Variants in PTPRK observed in about 807,000 individuals in gnomAD.
PTPRK encodes receptor-type tyrosine-protein phosphatase kappa.
PTPRK carries 75 observed loss-of-function variants against 178.0 expected under a neutral mutation model. The ratio of observed to expected loss-of-function variants is 0.42; its 90% confidence interval spans 0.35 to 0.51. The LOEUF is 0.51. Among genes scored for constraint, PTPRK ranks in the 20% least tolerant of loss-of-function variants. The probability of loss-of-function intolerance (pLI) is 0.02; values close to 1 mark genes in which losing one functional copy is unlikely to be tolerated. For missense variants in PTPRK, 1,441 were observed against 1,797.8 expected (o/e 0.80, Z 3.59); for synonymous variants, 637 against 620.6 (o/e 1.03, Z -0.39).
rs1349189542 is a variant in PTPRK, at chr6:128,273,213, G to A, written c.496-30611C>T. On this transcript the variant is annotated intron_variant, in intron 3 of 29. Coordinates refer to ENST00000368226, the MANE Select transcript of PTPRK (RefSeq NM_002844.4). ...ACACTGGGGCCTGTCCTGTCGCGGG[G>A]TCGGGGGAGTGGGGAGGGATAGCAT... Among the ~76,000 whole-genome samples the A allele has an allele frequency of 2.6e-5, 4 of 152,138 alleles. No individual in the cohort carries two copies. The South Asian group carries it at 8.3e-4, about 32-fold the overall frequency.
chr6:127,981,145 T>A lies in PTPRK; in HGVS notation c.3682A>T (p.Ser1228Cys). The A allele has an allele frequency of 6.2e-7, 1 of 1,614,022 alleles. No homozygotes were observed. Among genetic ancestry groups the A allele is most frequent in the Non-Finnish European group, 8.5e-7 (1 of 1,179,968 alleles). The change falls in exon 25 of 30, where the codon AGT becomes TGT. Residue 1228 changes from serine to cysteine, a missense_variant. Transcript: ENST00000368226. ...ATAAGAGCAGCATTGATGTAGTTACTGCTCTCCCCATCAATTGTAATTAAA... is the reference window on the plus strand; with the variant it reads ...ATAAGAGCAGCATTGATGTAGTTACAGCTCTCCCCATCAATTGTAATTAAA... ...PFLITIDGES[S>C]NYINAALMDS... is the part of the protein sequence containing the mutation.
chr6:128,250,532 G>C (rs1816299028), intron 3 of PTPRK, among the ~76,000 whole-genome samples: 1 of 152,112 alleles, frequency 6.6e-6, no homozygotes, highest in Non-Finnish European at 1.5e-5. Context: ...TTACCTAAAA[G>C]GGAAATATGA....
At chr6:128,436,947 CTGTATTG>C (rs1171434762) in intron 1 of PTPRK, among the ~76,000 whole-genome samples, 3 of 152,056 alleles carry the variant, frequency 2.0e-5, no homozygotes, top group Admixed American at 2.0e-4. Context: ...GTTAGCGATA[CTGTATTG>C]TGCACTTAGA....
intron 10 of PTPRK, 59 bp downstream of exon 10, chr6:128,082,378 T>G: frequency 6.9e-7 from 1 of 1,445,832 alleles, no homozygotes; most frequent in Non-Finnish European, 9.7e-7. Flanking sequence ...TTCTCCAGGA[T>G]GTGCCATTAC....
chr6:128,231,543 C>G (rs1812305166), intron 5 of PTPRK, among the ~76,000 whole-genome samples: 1 of 152,194 alleles, frequency 6.6e-6, no homozygotes, highest in African/African-American at 2.4e-5. Flanking sequence ...AGGTTGAAGG[C>G]ACCAACAGTT....
At chr6:128,422,078 G>A (rs1017520483) in intron 1 of PTPRK, among the ~76,000 whole-genome samples, 1 of 152,150 alleles carries the variant, frequency 6.6e-6, no homozygotes, top group Non-Finnish European at 1.5e-5. Context: ...TTTGTGTTGT[G>A]CATTTTCAAA....
At chr6:127,993,308 T>A (rs914099241) in intron 18 of PTPRK, among the ~76,000 whole-genome samples, 2 of 151,390 alleles carry the variant, frequency 1.3e-5, no homozygotes, top group African/African-American at 2.4e-5. Context: ...CACACATATA[T>A]ATAGGGAAAG....
At chr6:128,163,068 A>T (rs765101732) in intron 7 of PTPRK, among the ~76,000 whole-genome samples, 3 of 151,352 alleles carry the variant, frequency 2.0e-5, no homozygotes, top group Non-Finnish European at 3.0e-5. Flanking sequence ...TCCTACCAAG[A>T]AATATTTGTA....
chr6:128,025,432 A>T (rs944694754), intron 13 of PTPRK, among the ~76,000 whole-genome samples: 1 of 152,222 alleles, frequency 6.6e-6, no homozygotes, highest in Non-Finnish European at 1.5e-5. Context: ...GAAAATCAAT[A>T]GTTTGTAGAT....
intron 1 of PTPRK, among the ~76,000 whole-genome samples, chr6:128,439,139 T>C (rs766160862): frequency 2.0e-5 from 3 of 152,172 alleles, no homozygotes; most frequent in Non-Finnish European, 4.4e-5. Flanking sequence ...ATAAGTTCTT[T>C]ATTAGATGGG....
In PTPRK at chr6:128,155,206, T is replaced by G. The variant is rs1797797541; in HGVS notation, c.1162+29226A>C. 2.0e-5 allele frequency among the ~76,000 whole-genome samples: 3 copies of G among 151,758 alleles called. No homozygotes were observed. The South Asian group carries it at 6.2e-4, about 31-fold the overall frequency. On this transcript the variant is annotated intron_variant, in intron 7 of 29. Coordinates refer to ENST00000368226, the MANE Select transcript of PTPRK (RefSeq NM_002844.4). The stretch of plus-strand genomic sequence containing the variant: ...TAGTTATACTAGAAGTTTGATAAGA[T>G]TCAGACTTGAATATTTTTGGCAAAA...
At chr6:128,438,994 G>C (rs760506769) in intron 1 of PTPRK, among the ~76,000 whole-genome samples, 1 of 151,914 alleles carries the variant, frequency 6.6e-6, no homozygotes, top group African/African-American at 2.4e-5. Flanking sequence ...CAAACTTAAC[G>C]TTCTTTCCAT....
Position 128,275,093 on chromosome 6 carries a change from C to T in PTPRK, c.496-32491G>A, listed in dbSNP as rs910296865. ...CATATTTCCTTATACTTCACTAGCA[C>T]TGTACAACACACACTTTCATTTTAA... On this transcript the variant is annotated intron_variant, in intron 3 of 29. Transcript: ENST00000368226. 2.0e-5 allele frequency among the ~76,000 whole-genome samples: 3 copies of T among 152,016 alleles called. No homozygotes were observed. The South Asian group carries it at 6.2e-4, about 31-fold the overall frequency.
chr6:128,117,875 A>G (rs923795826), intron 7 of PTPRK, among the ~76,000 whole-genome samples: 2 of 151,988 alleles, frequency 1.3e-5, no homozygotes, highest in African/African-American at 2.4e-5. Flanking sequence ...CTGGTCTCGA[A>G]CTCCTGACCT....
At chr6:128,068,697 A>C (rs917133552) in intron 11 of PTPRK, among the ~76,000 whole-genome samples, 1 of 151,344 alleles carries the variant, frequency 6.6e-6, no homozygotes, top group Non-Finnish European at 1.5e-5. Context: ...AAATTTTTTC[A>C]GGTAAAATAT....
chr6:128,278,507 C>T (rs987358992), intron 3 of PTPRK, among the ~76,000 whole-genome samples: 1 of 152,092 alleles, frequency 6.6e-6, no homozygotes, highest in Admixed American at 6.6e-5. Context: ...ATCTCTCACC[C>T]TCCACTTATG....
At chr6:128,443,977 C>T (rs547020325) in intron 1 of PTPRK, among the ~76,000 whole-genome samples, 3 of 152,216 alleles carry the variant, frequency 2.0e-5, no homozygotes, top group East Asian at 1.9e-4. Flanking sequence ...CTCAGACTCA[C>T]GAGTAGCTGG....
At chr6:128,407,245 C>CT (rs1841762320) in intron 1 of PTPRK, among the ~76,000 whole-genome samples, 2 of 152,150 alleles carry the variant, frequency 1.3e-5, no homozygotes, top group Admixed American at 1.3e-4. Flanking sequence ...AGTGAACCTT[C>CT]TTTTGCTTCA....
intron 7 of PTPRK, among the ~76,000 whole-genome samples, chr6:128,136,293 T>C (rs1354386323): frequency 6.6e-6 from 1 of 152,170 alleles, no homozygotes; most frequent in Non-Finnish European, 1.5e-5. Flanking sequence ...CAAATACATA[T>C]GGTATCAAAA....
Sources: gnomAD v4.1 joint callset for allele counts (sites outside exome capture counted in the v4.1 genomes callset) on GRCh38, gnomAD v4.1.1 for gene constraint, MANE v1.5 for transcripts, NCBI Gene and HGNC (gene_info 2026-07-23, HGNC 2026-07-21) for gene names.